Variants in SPTBN4 observed in about 807,000 individuals in gnomAD.
The protein encoded by SPTBN4 is spectrin beta chain, non-erythrocytic 4.
SPTBN4 carries 96 observed loss-of-function variants against 277.8 expected under a neutral mutation model. That is an observed-to-expected ratio of 0.35 (90% CI 0.29 to 0.41). SPTBN4 has a LOEUF of 0.41. SPTBN4 is among the 10% of genes least tolerant of loss of function. The pLI, the probability that SPTBN4 is intolerant of heterozygous loss-of-function variation, is 1.00. For synonymous variants in SPTBN4, 1,481 were observed against 1,580.3 expected (o/e 0.94, Z 1.49); for missense variants, 3,006 against 3,595.7 (o/e 0.84, Z 4.19).
At chr19:40,474,432 A>ATTT (rs1166054943) in intron 2 of SPTBN4, among the ~76,000 whole-genome samples, 1 of 132,732 alleles carries the variant, frequency 7.5e-6, no homozygotes. Flanking sequence ...TCACCCTACC[A>ATTT]TTTTTTTTTT....
intron 20 of SPTBN4, among the ~76,000 whole-genome samples, chr19:40,543,172 C>T (rs1042108374): frequency 3.3e-5 from 5 of 151,950 alleles, no homozygotes; most frequent in African/African-American, 1.2e-4. Flanking sequence ...GGAGAGTGGC[C>T]GGGCACAGTG....
chr19:40,539,566 T>A (rs1390581234), intron 20 of SPTBN4, among the ~76,000 whole-genome samples: 2 of 152,098 alleles, frequency 1.3e-5, no homozygotes, highest in African/African-American at 4.8e-5. Context: ...AACCTCCGCC[T>A]CCTGGCTTCA....
rs1043032042 is a variant in SPTBN4 at position 40,520,203 on chromosome 19, G to T, written c.3654+52G>T. The T allele has an allele frequency of 1.6e-5, 22 of 1,340,562 alleles. No individual in the cohort carries two copies. The African/African-American group carries it at 3.2e-4, about 20-fold the overall frequency. The allele number at this position is 1,340,562 out of a possible 1,614,324, so 83.0% of individuals were successfully genotyped here. On this transcript the variant is annotated intron_variant, in intron 16 of 35. Transcript: ENST00000598249. ...AGAGGGAGAGTCCGAGGCCGCGGGG[G>T]GATTGCAGGGACAGGGACATGCGGG... is the stretch of plus-strand genomic sequence containing the variant.
At chr19:40,524,587 C>G in intron 17 of SPTBN4, 1 of 456,456 alleles carries the variant, frequency 2.2e-6, no homozygotes, top group Non-Finnish European at 4.4e-6. Context: ...TCCTTGGGAA[C>G]CCCCAGACCT....
intron 7 of SPTBN4, among the ~76,000 whole-genome samples, chr19:40,497,983 C>T (rs955435684): frequency 2.7e-5 from 4 of 149,518 alleles, no homozygotes; most frequent in East Asian, 2.0e-4. Context: ...GCATCTCCAA[C>T]GCCATCCCCA....
intron 35 of SPTBN4, among the ~76,000 whole-genome samples, chr19:40,573,044 C>T (rs1378463610): frequency 6.6e-6 from 1 of 152,186 alleles, no homozygotes; most frequent in East Asian, 1.9e-4. Context: ...CACCATGGCT[C>T]AGGCCTGTAA....
intron 29 of SPTBN4, 105 bp downstream of exon 29, chr19:40,565,850 A>G (rs919517565): frequency 2.4e-6 from 3 of 1,246,562 alleles, no homozygotes; most frequent in Middle Eastern, 2.8e-4. Context: ...CACCCTACCC[A>G]TGGGTCTCCA....
chr19:40,491,203 A>C (rs1406053255), intron 4 of SPTBN4, among the ~76,000 whole-genome samples: 1 of 152,200 alleles, frequency 6.6e-6, no homozygotes, highest in Non-Finnish European at 1.5e-5. Flanking sequence ...GAGAGAATGC[A>C]TTCCAGGCAG....
At chr19:40,562,266 A>AT (rs1840959125) in intron 27 of SPTBN4, among the ~76,000 whole-genome samples, 1 of 152,182 alleles carries the variant, frequency 6.6e-6, no homozygotes, top group African/African-American at 2.4e-5. Flanking sequence ...ATGGTGGCTT[A>AT]TACCTGTCAT....
Position 40,566,176 on chromosome 19 carries a change from C to T in SPTBN4, c.6153C>T (p.His2051=). The change falls in exon 30 of 36, where the codon CAC becomes CAT. Residue 2051 remains histidine, a synonymous_variant. Coordinates refer to ENST00000598249, the MANE Select transcript of SPTBN4 (RefSeq NM_020971.3). Reference sequence around the variant, plus strand: ...GCCCCTCCTCAGTGCTGGAGGTGCACCAGTTTGCCCAGGAGGCGGTGGTGG... The same window carrying T: ...GCCCCTCCTCAGTGCTGGAGGTGCATCAGTTTGCCCAGGAGGCGGTGGTGG... ...WEWLQQMLEV[H]QFAQEAVVAD... 6.5e-7 allele frequency: 1 copy of T among 1,529,678 alleles called. No homozygotes were observed. Among genetic ancestry groups the T allele is most frequent in the Non-Finnish European group, 8.8e-7 (1 of 1,133,998 alleles). 94.8% of individuals were successfully genotyped at this position (1,529,678 alleles called of 1,614,324 possible).
At chr19:40,511,960 C>T (rs1019452519) in intron 13 of SPTBN4, among the ~76,000 whole-genome samples, 4 of 152,098 alleles carry the variant, frequency 2.6e-5, no homozygotes, top group African/African-American at 9.7e-5. Flanking sequence ...CCCGTCTCTA[C>T]TAAAAATACA....
intron 18 of SPTBN4, chr19:40,530,429 C>A: frequency 1.1e-6 from 1 of 877,362 alleles, no homozygotes; most frequent in Non-Finnish European, 1.4e-6. Flanking sequence ...AGGCAGGGGG[C>A]GCACGCGGGC....
intron 27 of SPTBN4, among the ~76,000 whole-genome samples, chr19:40,562,564 G>A (rs1163578568): frequency 1.4e-5 from 2 of 140,950 alleles, no homozygotes; most frequent in African/African-American, 5.3e-5. Flanking sequence ...GCTGGGCACA[G>A]TGGCTCACAC....
chr19:40,505,749 A>T (rs1399575749), intron 12 of SPTBN4, among the ~76,000 whole-genome samples: 1 of 151,240 alleles, frequency 6.6e-6, no homozygotes, highest in Non-Finnish European at 1.5e-5. Flanking sequence ...GAAGGAAGGA[A>T]GGAAGAAAGA....
chr19:40,494,564 A>G (rs751044890), intron 5 of SPTBN4, among the ~76,000 whole-genome samples: 3 of 148,568 alleles, frequency 2.0e-5, no homozygotes, highest in Non-Finnish European at 4.4e-5. Flanking sequence ...CTATCTATCT[A>G]TCTTCTATCA....
At chr19:40,532,480 C>T in intron 18 of SPTBN4, 145 bp from the exon 19 acceptor site, 2 of 1,057,434 alleles carry the variant, frequency 1.9e-6, no homozygotes, top group Non-Finnish European at 2.6e-6. Flanking sequence ...AAAGGCCTCA[C>T]TTGCAAAGGT....
chr19:40,485,346 C>T (rs1262308723), intron 2 of SPTBN4, among the ~76,000 whole-genome samples: 3 of 151,674 alleles, frequency 2.0e-5, no homozygotes, highest in African/African-American at 4.8e-5. Context: ...AGACAGTGTT[C>T]GAGAGGCTGG....
intron 3 of SPTBN4, among the ~76,000 whole-genome samples, chr19:40,489,637 C>T (rs958534593): frequency 6.6e-5 from 10 of 152,208 alleles, no homozygotes; most frequent in Admixed American, 2.0e-4. Context: ...AACCACCCGC[C>T]TCGGCCTCCC....
intron 1 of SPTBN4, among the ~76,000 whole-genome samples, chr19:40,467,839 G>T (rs1240331182): frequency 6.6e-6 from 1 of 152,158 alleles, no homozygotes; most frequent in East Asian, 1.9e-4. Context: ...GGAAACTGAG[G>T]CACAGAAAGG....
Sources: allele counts gnomAD v4.1 joint callset (sites outside exome capture counted in the v4.1 genomes callset), GRCh38; gene constraint gnomAD v4.1.1; transcripts MANE v1.5; gene names NCBI Gene and HGNC (gene_info 2026-07-23, HGNC 2026-07-21).